FOXP1: variants seen among roughly 807,000 people sequenced by gnomAD.
FOXP1 encodes forkhead box protein P1.
Under a neutral mutation model 98.2 loss-of-function variants are expected in FOXP1, and 15 were observed. The observed-to-expected ratio is 0.15, with a 90% CI of 0.10 to 0.24. FOXP1 has a LOEUF of 0.24. Among genes scored for constraint, FOXP1 ranks in the 10% least tolerant of loss-of-function variants. FOXP1 has a pLI of 1.00. For missense variants in FOXP1, 633 were observed against 848.5 expected, an observed-to-expected ratio of 0.75 and a Z score of 3.15; for synonymous variants, 371 against 314.5, an observed-to-expected ratio of 1.18 and a Z score of -1.90.
At chr3:70,972,708 A>G in intron 17 of FOXP1, 32 bp from the exon 18 acceptor site, 17 of 1,611,490 alleles carry the variant, frequency 1.1e-5, no homozygotes, top group Non-Finnish European at 1.4e-5. Flanking sequence ...GAACATTTAC[A>G]TTTTCTATAA....
chr3:71,306,631 C>CAAAAAAAAAAAAAAAAAAA (rs66479255), intron 4 of FOXP1, among the ~76,000 whole-genome samples: 2 of 42,836 alleles, frequency 4.7e-5, no homozygotes, highest in Admixed American at 3.4e-4. Context: ...GAGAATAAGC[C>CAAAAAAAAAAAAAAAAAAA]AAAAAAAAAA....
chr3:70,959,765 T>C (rs2032814028), intron 20 of FOXP1, among the ~76,000 whole-genome samples: 1 of 152,144 alleles, frequency 6.6e-6, no homozygotes, highest in Non-Finnish European at 1.5e-5. Flanking sequence ...TCTCATACTT[T>C]AACACACGCT....
At chr3:71,514,436 A>G (rs1328650196) in intron 2 of FOXP1, among the ~76,000 whole-genome samples, 2 of 152,124 alleles carry the variant, frequency 1.3e-5, no homozygotes, top group Non-Finnish European at 2.9e-5. Flanking sequence ...TCTACTTATT[A>G]TGTCTGTCTG....
chr3:71,113,967 A>C (rs1215746753), intron 6 of FOXP1, among the ~76,000 whole-genome samples: 1 of 152,108 alleles, frequency 6.6e-6, no homozygotes, highest in African/African-American at 2.4e-5. Context: ...GCAGCTGAGA[A>C]CCAAGAATGT....
At chr3:71,449,764 G>A (rs2086767616) in intron 3 of FOXP1, among the ~76,000 whole-genome samples, 1 of 152,186 alleles carries the variant, frequency 6.6e-6, no homozygotes, top group African/African-American at 2.4e-5. Context: ...CTGACCACTC[G>A]AATTGAGGAA....
intron 3 of FOXP1, among the ~76,000 whole-genome samples, chr3:71,446,235 C>T (rs556738477): frequency 6.6e-6 from 1 of 152,036 alleles, no homozygotes; most frequent in African/African-American, 2.4e-5. Context: ...CTTGTGGGCA[C>T]CCTTGATTTT....
At chr3:71,223,783 A>C (rs2065607915) in intron 5 of FOXP1, among the ~76,000 whole-genome samples, 1 of 152,114 alleles carries the variant, frequency 6.6e-6, no homozygotes, top group South Asian at 2.1e-4. Flanking sequence ...GGTTCATTGC[A>C]ATATGATAGT....
intron 3 of FOXP1, among the ~76,000 whole-genome samples, chr3:71,382,082 A>G (rs963069393): frequency 1.3e-5 from 2 of 152,124 alleles, no homozygotes; most frequent in African/African-American, 2.4e-5. Flanking sequence ...GACCAGCCTG[A>G]GCAACATGGC....
intron 11 of FOXP1, among the ~76,000 whole-genome samples, chr3:71,028,357 C>T (rs550682228): frequency 3.9e-5 from 6 of 152,232 alleles, no homozygotes; most frequent in African/African-American, 1.2e-4. Flanking sequence ...TCTCAGAGTA[C>T]GGGTCTGGAA....
chr3:71,280,016 G>A (rs550737766), intron 5 of FOXP1, among the ~76,000 whole-genome samples: 1 of 151,370 alleles, frequency 6.6e-6, no homozygotes, highest in Admixed American at 6.6e-5. Context: ...CCAGCTACTC[G>A]GGAGGCTGAG....
At chr3:71,109,580 G>A (rs1030018527) in intron 7 of FOXP1, among the ~76,000 whole-genome samples, 1 of 152,210 alleles carries the variant, frequency 6.6e-6, no homozygotes, top group African/African-American at 2.4e-5. Context: ...AAGATTTGCT[G>A]TAGGATTTCC....
intron 17 of FOXP1, among the ~76,000 whole-genome samples, chr3:70,974,362 A>G (rs1022355743): frequency 2.0e-5 from 3 of 152,116 alleles, no homozygotes; most frequent in East Asian, 1.9e-4. Flanking sequence ...CAGTGGTTCA[A>G]TTATGGCTCA....
At chr3:71,338,618 C>A (rs1255505128) in intron 4 of FOXP1, among the ~76,000 whole-genome samples, 5 of 151,968 alleles carry the variant, frequency 3.3e-5, no homozygotes, top group Admixed American at 3.3e-4. Context: ...TTCGTAGAGG[C>A]GGGGTTTCAC....
chr3:71,480,252 T>C (rs752432065), intron 3 of FOXP1, among the ~76,000 whole-genome samples: 4 of 152,094 alleles, frequency 2.6e-5, no homozygotes, highest in African/African-American at 9.7e-5. Context: ...CTCGTGATCA[T>C]GAAGCTTAAA....
intron 5 of FOXP1, among the ~76,000 whole-genome samples, chr3:71,251,761 G>T (rs1301592959): frequency 6.6e-6 from 1 of 152,198 alleles, no homozygotes; most frequent in East Asian, 1.9e-4. Flanking sequence ...CTTTAGCAAT[G>T]ATATGAGAAT....
chr3:71,026,190 C>T (rs2046093208), intron 11 of FOXP1, among the ~76,000 whole-genome samples: 1 of 152,116 alleles, frequency 6.6e-6, no homozygotes, highest in African/African-American at 2.4e-5. Context: ...TCTAGTGTCT[C>T]CAACTTCTGA....
chr3:71,020,478 A>G (rs751091146), intron 11 of FOXP1, among the ~76,000 whole-genome samples: 1 of 152,308 alleles, frequency 6.6e-6, no homozygotes, highest in Non-Finnish European at 1.5e-5. Flanking sequence ...CAAGGTCACT[A>G]CTTAACCAAA....
chr3:71,164,849 T>C (rs1007946375), intron 6 of FOXP1, among the ~76,000 whole-genome samples: 4 of 152,218 alleles, frequency 2.6e-5, no homozygotes, highest in Non-Finnish European at 5.9e-5. Flanking sequence ...TCAAATCCAA[T>C]GTCCCCCCTC....
chr3:71,429,780 T>G (rs2084526993), intron 3 of FOXP1, among the ~76,000 whole-genome samples: 1 of 152,206 alleles, frequency 6.6e-6, no homozygotes. Flanking sequence ...GAAAGACAGC[T>G]AAATCACCCC....
Sources: allele counts gnomAD v4.1 joint callset (sites outside exome capture counted in the v4.1 genomes callset), GRCh38; gene constraint gnomAD v4.1.1; transcripts MANE v1.5; gene names NCBI Gene and HGNC (gene_info 2026-07-23, HGNC 2026-07-21).